The following CASC3 variants were observed in gnomAD, a reference collection of about 807,000 sequenced individuals.
CASC3 encodes CASC3 exon junction complex subunit.
A neutral mutation model predicts 80.5 loss-of-function variants in CASC3; 30 were observed. The ratio of observed to expected loss-of-function variants is 0.37; its 90% CI spans 0.28 to 0.51. The LOEUF is 0.51. Among genes scored for constraint, CASC3 ranks in the 20% least tolerant of loss-of-function variants. CASC3 has a pLI of 0.94. For missense variants in CASC3, 824 were observed against 922.2 expected, an observed-to-expected ratio of 0.89 and a Z score of 1.38; for synonymous variants, 312 against 333.6, an observed-to-expected ratio of 0.94 and a Z score of 0.70.
chr17:40,162,825 A>G lies in CASC3; in HGVS notation c.709A>G (p.Ile237Val), dbSNP rs1989337862. 5 of 1,612,312 alleles carry G rather than the reference A, an allele frequency of 3.1e-6. No individual in the cohort carries two copies. Among genetic ancestry groups the G allele is most frequent in the Non-Finnish European group, 3.4e-6 (4 of 1,178,484 alleles). Residue 237 changes from isoleucine to valine, a missense_variant, in exon 6 of 14, where the codon ATT becomes GTT. This residue lies in a region of CASC3 where 201 missense variants were observed against 294.1 expected (regional missense o/e 0.68). Coordinates refer to ENST00000264645, the MANE Select transcript of CASC3 (RefSeq NM_007359.5). Reference protein sequence around the residue: ...EQAPKSRQELIALYGYDIRSA... With the variant: ...EQAPKSRQELVALYGYDIRSA... ...GGCCCCAAAGTCCCGACAGGAGCTC[A>G]TTGCTCTTTATGGTTATGACATTCG...
At chr17:40,143,319 G>A (rs575262931) in intron 3 of CASC3, among the ~76,000 whole-genome samples, 21 of 152,064 alleles carry the variant, frequency 1.4e-4, no homozygotes, top group Non-Finnish European at 2.5e-4. Flanking sequence ...GGTCCCGCAT[G>A]CCTGTAATTC....
intron 3 of CASC3, among the ~76,000 whole-genome samples, chr17:40,145,567 A>C (rs1462759589): frequency 6.6e-6 from 1 of 151,966 alleles, no homozygotes; most frequent in Non-Finnish European, 1.5e-5. Flanking sequence ...CATTGTTGGG[A>C]CAGGATAGGT....
chr17:40,168,660 G>A lies in CASC3; in HGVS notation c.1965+243G>A, dbSNP rs577657635. 1.1e-3 allele frequency: 509 copies of A among 459,888 alleles called. 1 individual carries two copies. The highest frequency in any genetic ancestry group is 1.5e-3 in the Non-Finnish European group (370 of 250,966). 28.5% of individuals were successfully genotyped at this position (459,888 alleles called of 1,614,324 possible). On this transcript the variant is annotated intron_variant, in intron 11 of 13. Transcript: ENST00000264645. ...GCTTGGAGTGCAGTGGCGTGATCTC[G>A]GTTCACTGTAACCTCCACCTCTTGG...
At chr17:40,162,197 A>G (rs1418121190) in intron 5 of CASC3, 44 bp downstream of exon 5, 3 of 1,584,918 alleles carry the variant, frequency 1.9e-6, no homozygotes, top group Admixed American at 1.8e-5. Context: ...TGTATTTTAC[A>G]CATGTAGGCC....
At chr17:40,148,922 CAG>C (rs1158470532) in intron 3 of CASC3, among the ~76,000 whole-genome samples, 1 of 151,786 alleles carries the variant, frequency 6.6e-6, no homozygotes. Flanking sequence ...TTTTTTGAGA[CAG>C]AGTCTTGCTG....
At chr17:40,149,757 G>A (rs1988951268) in intron 3 of CASC3, among the ~76,000 whole-genome samples, 1 of 152,078 alleles carries the variant, frequency 6.6e-6, no homozygotes, top group Non-Finnish European at 1.5e-5. Context: ...TGTAATCCCG[G>A]CACTTTGGGA....
Position 40,166,777 on chromosome 17 carries a change from A to C in CASC3, c.1472-20A>C, listed in dbSNP as rs1417377061. 1 of 1,575,128 alleles carries C rather than the reference A, an allele frequency of 6.3e-7. No individual in the cohort carries two copies. The highest frequency in any genetic ancestry group is 1.9e-5 in the Admixed American group (1 of 51,750). ...CACGTATGTCTGATCTGCAGAAGTG[A>C]CTTTTTTGGTGTATTACAGGTATGC... is the stretch of plus-strand genomic sequence containing the variant. On this transcript the variant is annotated intron_variant, in intron 7 of 13. Coordinates refer to ENST00000264645, the MANE Select transcript of CASC3 (RefSeq NM_007359.5).
chr17:40,159,649 G>A (rs1011823122), intron 3 of CASC3, among the ~76,000 whole-genome samples: 1 of 144,070 alleles, frequency 6.9e-6, no homozygotes, highest in Non-Finnish European at 1.5e-5. Context: ...GGGCTGAAAT[G>A]ATCTCACACC....
Position 40,140,556 on chromosome 17 carries a change from A to G in CASC3, c.8A>G (p.Asp3Gly), listed in dbSNP as rs1449792252. 6.2e-7 allele frequency: 1 copy of G among 1,607,502 alleles called. No homozygotes were observed. Among genetic ancestry groups the G allele is most frequent in the Non-Finnish European group, 8.5e-7 (1 of 1,179,634 alleles). Residue 3 changes from aspartate (D) to glycine (G), a missense_variant, in exon 1 of 14, where the codon GAC becomes GGC. Coordinates refer to ENST00000264645, the MANE Select transcript of CASC3 (RefSeq NM_007359.5). ...GTGGCCGTTCTCCGTAAGATGGCGG[A>G]CCGGCGGCGGCAGCGCGCTTCGCAA... MA[D>G]RRRQRASQDT... is the part of the protein sequence containing the mutation.
At chr17:40,151,808 T>A (rs766102120) in intron 3 of CASC3, among the ~76,000 whole-genome samples, 17 of 152,216 alleles carry the variant, frequency 1.1e-4, no homozygotes, top group African/African-American at 4.1e-4. Flanking sequence ...TTCTGGCCTT[T>A]CATATGAATG....
intron 12 of CASC3, 22 bp downstream of exon 12, chr17:40,169,468 C>G: frequency 6.3e-7 from 1 of 1,598,690 alleles, no homozygotes; most frequent in Non-Finnish European, 8.5e-7. Context: ...CCTTCCTATA[C>G]TTAATGCACA....
At chr17:40,167,057 C>T (rs1006090757) in intron 8 of CASC3, 196 bp downstream of exon 8, 1 of 538,068 alleles carries the variant, frequency 1.9e-6, no homozygotes, top group Non-Finnish European at 3.2e-6. Context: ...CTCCTGGGTC[C>T]CAGTTCAAGC....
intron 3 of CASC3, among the ~76,000 whole-genome samples, chr17:40,159,955 A>G (rs1437803739): frequency 6.6e-6 from 1 of 151,842 alleles, no homozygotes; most frequent in Non-Finnish European, 1.5e-5. Context: ...ACCTCAAGTG[A>G]TCCACCTACC....
In CASC3 at chr17:40,140,609, T is replaced by C. The variant is rs757646540; in HGVS notation, c.61T>C (p.Ser21Pro). The change falls in exon 1 of 14, where the codon TCG (serine) becomes CCG (proline). Residue 21 changes from serine (S) to proline (P), a missense_variant. By Grantham distance (74) the Ser-to-Pro change is moderately conservative. Around this residue, in one of 3 missense-constraint regions of CASC3, gnomAD observed 159 missense variants for 122.2 expected, o/e 1.30. Transcript: ENST00000264645. ...QDTEDEESGA[S>P]GSDSGGSPLR... ...CACCGAGGACGAGGAATCTGGTGCT[T>C]CGGGCTCCGACAGCGGCGGCTCCCC... is the stretch of plus-strand genomic sequence containing the variant. The C allele has an allele frequency of 6.2e-7, 1 of 1,610,862 alleles. No homozygotes were observed. The highest frequency in any genetic ancestry group is 2.2e-5 in the East Asian group (1 of 44,750).
Position 40,144,146 on chromosome 17 carries a change from C to T in CASC3, c.297+2539C>T, listed in dbSNP as rs568490846. Among the ~76,000 whole-genome samples the T allele has an allele frequency of 1.8e-3, 267 of 151,668 alleles. 2 individuals are homozygous for T. Among genetic ancestry groups the T allele is most frequent in the African/African-American group, 6.2e-3 (257 of 41,402 alleles). ...TGGTGGCAGGTGCCTGTAATCCCAG[C>T]GACTCAGGAGGCTGAGGCAGGAGAA... is the stretch of plus-strand genomic sequence containing the variant. On this transcript the variant is annotated intron_variant, in intron 3 of 13. Coordinates refer to ENST00000264645, the MANE Select transcript of CASC3 (RefSeq NM_007359.5).
chr17:40,145,356 T>C (rs1988831469), intron 3 of CASC3, among the ~76,000 whole-genome samples: 3 of 150,952 alleles, frequency 2.0e-5, no homozygotes, highest in Middle Eastern at 6.9e-3. Context: ...GTATTTTTAG[T>C]AGAGACGGGG....
At chr17:40,151,576 C>A (rs950634344) in intron 3 of CASC3, among the ~76,000 whole-genome samples, 1 of 151,900 alleles carries the variant, frequency 6.6e-6, no homozygotes, top group African/African-American at 2.4e-5. Flanking sequence ...CACCTGTAGT[C>A]CCAGCTACTT....
chr17:40,146,102 CT>C (rs1375507842), intron 3 of CASC3, among the ~76,000 whole-genome samples: 1 of 152,054 alleles, frequency 6.6e-6, no homozygotes, highest in Admixed American at 6.6e-5. Context: ...TTTGAGGATT[CT>C]TTTATAGCAG....
At chr17:40,160,556 T>C (rs1989268335) in intron 3 of CASC3, among the ~76,000 whole-genome samples, 1 of 152,144 alleles carries the variant, frequency 6.6e-6, no homozygotes, top group Non-Finnish European at 1.5e-5. Context: ...TAAGCTCCTC[T>C]TATATGTTAG....
Sources: gnomAD v4.1 joint callset for allele counts (sites outside exome capture counted in the v4.1 genomes callset) on GRCh38, gnomAD v4.1.1 for gene constraint, gnomAD v4.1.1 regional missense constraint, MANE v1.5 for transcripts, NCBI Gene and HGNC (gene_info 2026-07-23, HGNC 2026-07-21) for gene names.